Variants in INPP5A observed in about 807,000 individuals in gnomAD.
INPP5A encodes the protein inositol polyphosphate-5-phosphatase A.
INPP5A carries 14 observed loss-of-function variants against 65.2 expected under a neutral mutation model. The observed-to-expected ratio is 0.21, with a 90% CI of 0.14 to 0.34. The LOEUF (loss-of-function observed/expected upper bound fraction) is 0.34, where lower values mean the gene tolerates loss of function less well. Ranked by LOEUF, INPP5A falls within the 10% of genes least tolerant of loss-of-function variation. The pLI is 1.00. For synonymous variants in INPP5A, 207 were observed against 208.3 expected (o/e 0.99, Z 0.05); for missense variants, 431 against 545.6 (o/e 0.79, Z 2.09).
intron 8 of INPP5A, among the ~76,000 whole-genome samples, chr10:132,723,617 GTGTGGGGATTGGTTT>G (rs1468137329): frequency 2.7e-5 from 2 of 75,250 alleles, no homozygotes; most frequent in African/African-American, 1.2e-4. Context: ...GGGATTGGCC[GTGTGGGGATTGGTTT>G]TGTGGGGATT....
chr10:132,731,785 A>C (rs1434302207), intron 9 of INPP5A, among the ~76,000 whole-genome samples: 1 of 152,236 alleles, frequency 6.6e-6, no homozygotes, highest in Non-Finnish European at 1.5e-5. Context: ...GTTCACACGA[A>C]TCGGCAGAAG....
chr10:132,634,191 T>C (rs114053862), intron 2 of INPP5A, among the ~76,000 whole-genome samples: 374 of 152,388 alleles, frequency 2.5e-3, no homozygotes, highest in African/African-American at 8.5e-3. Context: ...GAAATTGTTT[T>C]GTAGCTTTCG....
chr10:132,546,074 T>G lies in INPP5A; in HGVS notation c.75+7903T>G, dbSNP rs1206837868. Among the ~76,000 whole-genome samples, 2 of 152,162 alleles carry G rather than the reference T, an allele frequency of 1.3e-5. No individual in the cohort carries two copies. The highest frequency in any genetic ancestry group is 4.8e-5 in the African/African-American group (2 of 41,422). On this transcript the variant is annotated intron_variant, in intron 1 of 15. Transcript: ENST00000368594. The surrounding 1 kb of genome is among the most constrained non-coding windows in gnomAD (Gnocchi z 5.7). ...TGTGTTGGGATGAGTGGCCGAGGCG[T>G]CTGGGGACGTCCTGGAGCCTGCAGC...
intron 9 of INPP5A, among the ~76,000 whole-genome samples, chr10:132,739,602 G>A (rs1003748726): frequency 1.3e-5 from 2 of 152,248 alleles, no homozygotes; most frequent in African/African-American, 2.4e-5. Flanking sequence ...CCCAGAGGGG[G>A]ACGCAGCGCT....
intron 1 of INPP5A, among the ~76,000 whole-genome samples, chr10:132,596,927 ATGTGCACG>A (rs1564928984): frequency 6.2e-4 from 9 of 14,548 alleles, no homozygotes; most frequent in South Asian, 0.02. Flanking sequence ...GTGTGCGCGC[ATGTGCACG>A]CATGTGTGCG....
At chr10:132,731,520 C>T (rs1317284248) in intron 9 of INPP5A, among the ~76,000 whole-genome samples, 6 of 152,172 alleles carry the variant, frequency 3.9e-5, no homozygotes, top group Admixed American at 6.5e-5. Flanking sequence ...TGGGAGTGAC[C>T]GCACCCCTGC....
rs1022078097 is a variant in INPP5A at position 132,546,777 on chromosome 10, C to T, written c.75+8606C>T. ...GCCTGTCCCCTTGTCCCCACCTGACCGCCCAGCCACTGTTCTCCCTGGCCC... is the reference window on the plus strand; with the variant it reads ...GCCTGTCCCCTTGTCCCCACCTGACTGCCCAGCCACTGTTCTCCCTGGCCC... On this transcript the variant is annotated intron_variant, in intron 1 of 15. Coordinates refer to ENST00000368594, the MANE Select transcript of INPP5A (RefSeq NM_005539.5). This position sits in a 1 kb window ranked among gnomAD's most constrained non-coding sequence, Gnocchi z 5.7. Among the ~76,000 whole-genome samples, 2 of 152,190 alleles carry T rather than the reference C, an allele frequency of 1.3e-5. No homozygotes were observed. The highest frequency in any genetic ancestry group is 2.4e-5 in the African/African-American group (1 of 41,448).
intron 1 of INPP5A, among the ~76,000 whole-genome samples, chr10:132,567,677 C>T (rs536370371): frequency 3.3e-5 from 5 of 152,198 alleles, no homozygotes; most frequent in Non-Finnish European, 7.3e-5. Flanking sequence ...ATGCGGGGCT[C>T]GGTCTGATTT....
At chr10:132,732,154 C>T in intron 9 of INPP5A, among the ~76,000 whole-genome samples, 1 of 152,242 alleles carries the variant, frequency 6.6e-6, no homozygotes, top group African/African-American at 2.4e-5. Flanking sequence ...GTTACCAGGC[C>T]CTGGCTTATA....
At chr10:132,702,261 C>T (rs933811711) in intron 6 of INPP5A, among the ~76,000 whole-genome samples, 4 of 152,186 alleles carry the variant, frequency 2.6e-5, no homozygotes, top group African/African-American at 4.8e-5. Context: ...ATCTTAGAAT[C>T]CTAAAACTAC....
In INPP5A at chr10:132,736,233, G is replaced by C. The variant is rs191463149; in HGVS notation, c.732+9328G>C. ...GAGGGTGTGTTTCCTGCCTCGCGCGGTGGCAACTGGCAGCTGGGGCGCTCA... is the reference window on the plus strand; with the variant it reads ...GAGGGTGTGTTTCCTGCCTCGCGCGCTGGCAACTGGCAGCTGGGGCGCTCA... On this transcript the variant is annotated intron_variant, in intron 9 of 15. Coordinates refer to ENST00000368594, the MANE Select transcript of INPP5A (RefSeq NM_005539.5). 2.8e-3 allele frequency among the ~76,000 whole-genome samples: 422 copies of C among 152,352 alleles called. 6 individuals carry two copies. Among genetic ancestry groups the C allele is most frequent in the African/African-American group, 8.6e-3 (357 of 41,590 alleles).
At chr10:132,725,739 C>T (rs760794021) in intron 8 of INPP5A, among the ~76,000 whole-genome samples, 8 of 152,220 alleles carry the variant, frequency 5.3e-5, no homozygotes, top group Non-Finnish European at 1.2e-4. Context: ...CTCACTTTTG[C>T]CTGGCTAATA....
intron 2 of INPP5A, among the ~76,000 whole-genome samples, chr10:132,615,720 C>A (rs776032984): frequency 6.6e-6 from 1 of 152,160 alleles, no homozygotes; most frequent in Non-Finnish European, 1.5e-5. Flanking sequence ...GAGGTGGGCA[C>A]CCTTGCTTGA....
chr10:132,580,820 C>T (rs1215899053), intron 1 of INPP5A, among the ~76,000 whole-genome samples: 2 of 152,236 alleles, frequency 1.3e-5, no homozygotes, highest in Non-Finnish European at 2.9e-5. Flanking sequence ...AGGTAAATTG[C>T]TGACATCAGC....
chr10:132,593,637 G>T (rs1442680034), intron 1 of INPP5A, among the ~76,000 whole-genome samples: 2 of 152,164 alleles, frequency 1.3e-5, no homozygotes, highest in Non-Finnish European at 2.9e-5. Context: ...TGCTGGTGTG[G>T]TTTCTGTTGA....
intron 12 of INPP5A, among the ~76,000 whole-genome samples, chr10:132,773,379 A>G (rs1846989581): frequency 6.6e-6 from 1 of 152,240 alleles, no homozygotes; most frequent in Admixed American, 6.5e-5. Flanking sequence ...TCTGAAAAAC[A>G]CAAAAATATA....
chr10:132,682,255 T>C (rs1242785135), intron 4 of INPP5A, among the ~76,000 whole-genome samples: 1 of 150,056 alleles, frequency 6.7e-6, no homozygotes, highest in African/African-American at 2.4e-5. Flanking sequence ...TGATGGGAGC[T>C]GTTGCTGGTC....
intron 2 of INPP5A, among the ~76,000 whole-genome samples, chr10:132,624,506 GTC>G (rs1383726956): frequency 4.9e-5 from 7 of 142,106 alleles, no homozygotes; most frequent in African/African-American, 1.9e-4. Flanking sequence ...CCACCGGCGT[GTC>G]TGCACTTCCA....
chr10:132,576,368 G>A (rs908468917), intron 1 of INPP5A, among the ~76,000 whole-genome samples: 1 of 152,252 alleles, frequency 6.6e-6, no homozygotes, highest in Non-Finnish European at 1.5e-5. Context: ...GGTGCTGGGT[G>A]GCACCCCGAG....
Sources: gnomAD v4.1 joint callset for allele counts (sites outside exome capture counted in the v4.1 genomes callset) on GRCh38, gnomAD v4.1.1 for gene constraint, Gnocchi (gnomAD v3.1) non-coding constraint, MANE v1.5 for transcripts, NCBI Gene and HGNC (gene_info 2026-07-23, HGNC 2026-07-21) for gene names.